The following MKS1 variants were observed in gnomAD, a reference collection of about 807,000 sequenced individuals.
MKS1 encodes the protein tectonic-like complex member MKS1.
Under a neutral mutation model 83.7 loss-of-function variants are expected in MKS1, and 70 were observed. The observed-to-expected ratio is 0.84, with a 90% CI of 0.69 to 1.02. The LOEUF (loss-of-function observed/expected upper bound fraction) is 1.02. Ranked by LOEUF, MKS1 falls within the 50% of genes least tolerant of loss-of-function variation. MKS1 has a pLI of 0.00. For synonymous variants in MKS1, 251 were observed against 273.4 expected (o/e 0.92, Z 0.81); for missense variants, 681 against 726.9 (o/e 0.94, Z 0.73).
intron 8 of MKS1, 115 bp downstream of exon 8, chr17:58,212,867 G>T: frequency 1.1e-6 from 1 of 943,028 alleles, no homozygotes; most frequent in East Asian, 2.4e-5. Flanking sequence ...AAGTCAGAAG[G>T]GGCCATGAAG....
intron 9 of MKS1, 127 bp downstream of exon 9, chr17:58,212,251 C>T (rs1206715263): frequency 3.5e-6 from 4 of 1,127,592 alleles, no homozygotes; most frequent in Admixed American, 1.7e-5. Flanking sequence ...ATGTGCTATT[C>T]TTTGACTTCC....
At position 58,205,994 on chromosome 17, in the gene MKS1, T is replaced by A; in HGVS notation, c.*85A>T. 1.9e-6 allele frequency: 3 copies of A among 1,545,516 alleles called. No homozygotes were observed. The highest frequency in any genetic ancestry group is 1.7e-6 in the Non-Finnish European group (2 of 1,147,766). ...CTCAGCAGACCAACGTGGTCTCTAA[T>A]CAGAAAGACGAAGAGGCAGGAGAGC... On this transcript the variant is annotated 3_prime_UTR_variant, in exon 18 of 18. Coordinates refer to ENST00000393119, the MANE Select transcript of MKS1 (RefSeq NM_017777.4).
chr17:58,215,007 A>C, intron 4 of MKS1, 169 bp from the exon 5 acceptor site: 5 of 1,017,744 alleles, frequency 4.9e-6, no homozygotes, highest in East Asian at 2.9e-5. Flanking sequence ...AAACAACCCA[A>C]AGAAGATTTC....
chr17:58,219,193 G>GC lies in MKS1; in HGVS notation c.37dup (p.Ala13GlyfsTer46). On this transcript the variant is annotated frameshift_variant, in exon 1 of 18. Coordinates refer to ENST00000393119, the MANE Select transcript of MKS1 (RefSeq NM_017777.4). LOFTEE classifies it high-confidence loss of function. ...CACGGGGTCCCGGGAGCGATACACT[G>GC]CCTCCCCGGTGTCAGTGCTCCAGAC... 1 of 1,551,142 alleles carries GC rather than the reference G, an allele frequency of 6.4e-7. No homozygotes were observed. The highest frequency in any genetic ancestry group is 8.7e-7 in the Non-Finnish European group (1 of 1,147,008).
rs1436218282 is a variant in MKS1, at chr17:58,205,465, C to T, written c.*614G>A. 8.0e-7 allele frequency: 1 copy of T among 1,244,132 alleles called. No individual in the cohort carries two copies. The highest frequency in any genetic ancestry group is 5.7e-5 in the East Asian group (1 of 17,620). 77.1% of individuals were successfully genotyped at this position (1,244,132 alleles called of 1,614,324 possible). On this transcript the variant is annotated 3_prime_UTR_variant, in exon 18 of 18. Transcript: ENST00000393119. ...GTCAAAATAAAAGGGGTTTATGTAA[C>T]AAAAAACAAAAAAACAAACAAACAA...
rs1968756654 is a variant in MKS1 at position 58,209,665 on chromosome 17, T to C, written c.1024+994A>G. 6.6e-6 allele frequency among the ~76,000 whole-genome samples: 1 copy of C among 152,164 alleles called. No individual in the cohort carries two copies. The highest frequency in any genetic ancestry group is 2.4e-5 in the African/African-American group (1 of 41,426). On this transcript the variant is annotated intron_variant, in intron 11 of 17. Coordinates refer to ENST00000393119, the MANE Select transcript of MKS1 (RefSeq NM_017777.4). The surrounding 1 kb of genome is among the most constrained non-coding windows in gnomAD (Gnocchi z 4.1). ...AATGAACCTGGCTGGGAAGAATGAC[T>C]GGAAGGTTGTATGGAAGAGATAGGC...
chr17:58,218,202 A>G (rs1000404567), intron 2 of MKS1, among the ~76,000 whole-genome samples: 7 of 152,118 alleles, frequency 4.6e-5, no homozygotes, highest in African/African-American at 1.7e-4. Flanking sequence ...TAATCCCAGC[A>G]CTTTGGGAGG....
rs1441703688 is a variant in MKS1 at position 58,214,808 on chromosome 17, C to T, written c.448G>A (p.Glu150Lys). The change falls in exon 5 of 18, where the codon GAG becomes AAG. Residue 150 changes from glutamate (E) to lysine (K), a missense_variant. Glu to Lys is a moderately conservative substitution (Grantham distance 56). Around this residue, in one of 3 missense-constraint regions of MKS1, gnomAD observed 365 missense variants for 383.8 expected, o/e 0.95. Transcript: ENST00000393119. ...HCQRMTTAAS[E>K]VPSFLVERMA... is the part of the protein sequence containing the mutation. ...CGCTCGACCAAGAATGAAGGCACCT[C>T]GCTGGCTGCAGTGGTCATTCTCTGA... 4 of 1,605,612 alleles carry T rather than the reference C, an allele frequency of 2.5e-6. No homozygotes were observed. The highest frequency in any genetic ancestry group is 1.1e-5 in the South Asian group (1 of 90,914).
intron 15 of MKS1, 126 bp from the exon 16 acceptor site, chr17:58,206,673 C>G (rs946564871): frequency 4.6e-5 from 44 of 960,368 alleles, no homozygotes; most frequent in Middle Eastern, 4.8e-4. Flanking sequence ...AAACCTTATT[C>G]CATCACCCAG....
At chr17:58,213,741 C>A (rs1162677204) in intron 7 of MKS1, 24 bp downstream of exon 7, 1 of 1,563,354 alleles carries the variant, frequency 6.4e-7, no homozygotes, top group Non-Finnish European at 8.8e-7. Context: ...CCAGTCTCCA[C>A]TACCCCTTTC....
chr17:58,206,728 A>G (rs904991082), intron 15 of MKS1, 181 bp from the exon 16 acceptor site: 5 of 721,820 alleles, frequency 6.9e-6, no homozygotes, highest in East Asian at 2.7e-5. Flanking sequence ...GGCTCCCCCA[A>G]CTAAACCAGG....
chr17:58,216,283 A>C lies in MKS1; in HGVS notation c.262-40T>G, dbSNP rs1186945042. On this transcript the variant is annotated intron_variant, in intron 3 of 17. Coordinates refer to ENST00000393119, the MANE Select transcript of MKS1 (RefSeq NM_017777.4). ...AGGAAACAGAGATGTGTACATCATTATAATACATCAAACTTTTGCTTCTGT... is the reference window on the plus strand; with the variant it reads ...AGGAAACAGAGATGTGTACATCATTCTAATACATCAAACTTTTGCTTCTGT... 1.9e-6 allele frequency: 3 copies of C among 1,594,878 alleles called. No individual in the cohort carries two copies. In the East Asian group the frequency reaches 6.7e-5, roughly 36 times the overall value.
chr17:58,214,514 A>G (rs1969077620), intron 5 of MKS1, 127 bp from the exon 6 acceptor site: 7 of 1,459,194 alleles, frequency 4.8e-6, no homozygotes, highest in Non-Finnish European at 6.5e-6. Context: ...TTAAGAGCCA[A>G]AATATTTGAC....
In MKS1 at chr17:58,206,296, A is replaced by T. The variant is rs1488998075; in HGVS notation, c.1575T>A (p.Ile525=). The change falls in exon 17 of 18, where the codon ATT becomes ATA. Residue 525 remains isoleucine (I), a synonymous_variant. Coordinates refer to ENST00000393119, the MANE Select transcript of MKS1 (RefSeq NM_017777.4). ...RLEGFSQQSS[I]HNVLEAFRRA... The stretch of plus-strand genomic sequence containing the variant: ...GAGGGGACATACCTAGCACATTGTG[A>T]ATGGAACTCTGCTGGCTGAACCCTT... 2 of 1,614,104 alleles carry T rather than the reference A, an allele frequency of 1.2e-6. No individual in the cohort carries two copies. The highest frequency in any genetic ancestry group is 3.3e-5 in the Admixed American group (2 of 60,022).
chr17:58,208,790 C>T (rs1208296908), intron 11 of MKS1, among the ~76,000 whole-genome samples: 5 of 151,636 alleles, frequency 3.3e-5, no homozygotes. Flanking sequence ...GTCTCTGGTT[C>T]TCCTAGGCAG....
chr17:58,206,644 A>AATAAG, intron 15 of MKS1, 97 bp from the exon 16 acceptor site: 2 of 1,241,892 alleles, frequency 1.6e-6, no homozygotes, highest in Non-Finnish European at 2.3e-6. Context: ...CATTCTTGGG[A>AATAAG]AGCGCAGTTC....
intron 5 of MKS1, 22 bp downstream of exon 5, chr17:58,214,719 C>T (rs750947994): frequency 3.1e-6 from 5 of 1,598,964 alleles, no homozygotes; most frequent in Non-Finnish European, 4.2e-6. Flanking sequence ...AAGCTTGTCC[C>T]CCATCCCATG....
chr17:58,216,682 T>C lies in MKS1; in HGVS notation c.245A>G (p.Glu82Gly), dbSNP rs1267743604. 6.2e-7 allele frequency: 1 copy of C among 1,614,206 alleles called. No homozygotes were observed. Among genetic ancestry groups the C allele is most frequent in the Non-Finnish European group, 8.5e-7 (1 of 1,180,030 alleles). Residue 82 changes from glutamate to glycine, a missense_variant, in exon 3 of 18, where the codon GAG (glutamate) becomes GGG (glycine). Physicochemically the swap from Glu to Gly is moderately conservative, Grantham distance 98. Transcript: ENST00000393119. ...CTGGCTCACCTGGCTAAAGAGCTTC[T>C]CCTGCCACCCAATCACAATCTCCTC... Reference protein sequence around the residue: ...EEEEIVIGWQEKLFSQFEVDL... With the variant: ...EEEEIVIGWQGKLFSQFEVDL...
rs1052263756 is a variant in MKS1, at chr17:58,206,348, C to T, written c.1523G>A (p.Arg508Lys). 6.2e-7 allele frequency: 1 copy of T among 1,614,146 alleles called. No individual in the cohort carries two copies. ...AFMESSSLQK[R>K]MRSVLDRLEG... ...CAGACGGTCCAACACACTCCGCATC[C>T]TTTTCTGAAGGGAGCTCGATTCCAT... Residue 508 changes from arginine (R) to lysine (K), a missense_variant, in exon 17 of 18, where the codon AGG (arginine) becomes AAG (lysine). Physicochemically the swap from Arg to Lys is conservative, Grantham distance 26 (BLOSUM62 2). Around this residue, in one of 3 missense-constraint regions of MKS1, gnomAD observed 310 missense variants for 321.7 expected, o/e 0.96. Transcript: ENST00000393119.
Sources: gnomAD v4.1 joint callset for allele counts (sites outside exome capture counted in the v4.1 genomes callset) on GRCh38, gnomAD v4.1.1 for gene constraint, gnomAD v4.1.1 regional missense constraint, Gnocchi (gnomAD v3.1) non-coding constraint, MANE v1.5 for transcripts, NCBI Gene and HGNC (gene_info 2026-07-23, HGNC 2026-07-21) for gene names.